Variants in CNTNAP2 observed in about 807,000 individuals in gnomAD.
The protein encoded by CNTNAP2 is contactin associated protein 2.
Under a neutral mutation model 155.2 loss-of-function variants are expected in CNTNAP2, and 98 were observed. That is an observed-to-expected ratio of 0.63 (90% confidence interval 0.54 to 0.75). The LOEUF (loss-of-function observed/expected upper bound fraction) is 0.75. Ranked by LOEUF, CNTNAP2 falls within the 30% of genes least tolerant of loss-of-function variation. CNTNAP2 has a pLI of 0.00. For missense variants in CNTNAP2, 1,727 were observed against 1,688.1 expected (o/e 1.02, Z -0.40); for synonymous variants, 651 against 631.2 (o/e 1.03, Z -0.47).
At chr7:147,604,348 A>T (rs1251767807) in intron 12 of CNTNAP2, among the ~76,000 whole-genome samples, 1 of 152,140 alleles carries the variant, frequency 6.6e-6, no homozygotes, top group African/African-American at 2.4e-5. Flanking sequence ...AATATCCAGA[A>T]TCTACAAAGA....
intron 1 of CNTNAP2, among the ~76,000 whole-genome samples, chr7:146,170,062 G>A (rs953965687): frequency 2.8e-5 from 4 of 143,988 alleles, no homozygotes; most frequent in Non-Finnish European, 3.0e-5. Context: ...ACTCTGTTGC[G>A]CAGGCTGAGG....
intron 13 of CNTNAP2, among the ~76,000 whole-genome samples, chr7:147,701,805 T>C (rs566764518): frequency 6.6e-5 from 10 of 152,296 alleles, no homozygotes; most frequent in African/African-American, 2.2e-4. Flanking sequence ...AGGCCGAACT[T>C]CCCTTAAACC....
intron 13 of CNTNAP2, among the ~76,000 whole-genome samples, chr7:147,860,125 A>T (rs1799110756): frequency 6.6e-6 from 1 of 151,894 alleles, no homozygotes; most frequent in Non-Finnish European, 1.5e-5. Context: ...AAAATCTAAT[A>T]CTTTGAAGGG....
chr7:146,160,571 C>T (rs1226004740), intron 1 of CNTNAP2, among the ~76,000 whole-genome samples: 3 of 152,180 alleles, frequency 2.0e-5, no homozygotes, highest in Non-Finnish European at 4.4e-5. Flanking sequence ...ATACTACAAA[C>T]ATCTCCACGC....
At chr7:146,761,481 T>C (rs1463752489) in intron 1 of CNTNAP2, among the ~76,000 whole-genome samples, 2 of 152,130 alleles carry the variant, frequency 1.3e-5, no homozygotes, top group Non-Finnish European at 2.9e-5. Context: ...AAGAGCACTT[T>C]AGGCAGCGAG....
chr7:148,416,886 C>T lies in CNTNAP2; in HGVS notation c.*1270C>T, dbSNP rs1800006693. On this transcript the variant is annotated 3_prime_UTR_variant, in exon 24 of 24. Transcript: ENST00000361727. Reference sequence around the variant, plus strand: ...GATGGAGAAGTGTAGTTAATCACACCTCTTAGTTTAATCTGAAATCTTGAC... The same window carrying T: ...GATGGAGAAGTGTAGTTAATCACACTTCTTAGTTTAATCTGAAATCTTGAC... 1 of 151,416 alleles carries T rather than the reference C, an allele frequency of 6.6e-6. No individual in the cohort carries two copies. The highest frequency in any genetic ancestry group is 1.5e-5 in the Non-Finnish European group (1 of 68,028). The allele number at this position is 151,416 out of a possible 1,614,324, so 9.4% of individuals were successfully genotyped here.
intron 13 of CNTNAP2, among the ~76,000 whole-genome samples, chr7:147,691,759 A>C (rs1796090362): frequency 6.6e-6 from 1 of 152,134 alleles, no homozygotes; most frequent in Admixed American, 6.6e-5. Context: ...GAAAATATGG[A>C]GTTTCCATAT....
chr7:148,022,170 G>A (rs1177344120), intron 15 of CNTNAP2, among the ~76,000 whole-genome samples: 4 of 141,802 alleles, frequency 2.8e-5, no homozygotes, highest in Admixed American at 2.8e-4. Context: ...GCTTTTTGAT[G>A]ACAAAAAGAG....
chr7:147,194,867 G>C (rs1432733938), intron 8 of CNTNAP2, among the ~76,000 whole-genome samples: 1 of 152,090 alleles, frequency 6.6e-6, no homozygotes, highest in African/African-American at 2.4e-5. Flanking sequence ...CCGTTCTGTA[G>C]GTTGCCTGTT....
intron 10 of CNTNAP2, among the ~76,000 whole-genome samples, chr7:147,453,196 T>C (rs1275791285): frequency 6.6e-6 from 1 of 152,156 alleles, no homozygotes; most frequent in African/African-American, 2.4e-5. Flanking sequence ...GCAGGTCTCA[T>C]AGCTGCCTAT....
chr7:147,230,376 G>A (rs539301373), intron 8 of CNTNAP2, among the ~76,000 whole-genome samples: 46 of 152,166 alleles, frequency 3.0e-4, no homozygotes, highest in African/African-American at 8.9e-4. Context: ...TCCTGCCTCA[G>A]CCTCCTGAGT....
At chr7:146,434,303 CA>C (rs1796211682) in intron 1 of CNTNAP2, among the ~76,000 whole-genome samples, 1 of 152,116 alleles carries the variant, frequency 6.6e-6, no homozygotes, top group Non-Finnish European at 1.5e-5. Flanking sequence ...TTCTAAGAGG[CA>C]ATCTTATTAG....
rs536461175 is a variant in CNTNAP2, at chr7:148,104,537, T to A, written c.2384-13581T>A. Among the ~76,000 whole-genome samples the A allele has an allele frequency of 4.6e-5, 7 of 152,320 alleles. No individual in the cohort carries two copies. In the South Asian group the frequency reaches 1.4e-3, roughly 32 times the overall value. On this transcript the variant is annotated intron_variant, in intron 15 of 23. Coordinates refer to ENST00000361727, the MANE Select transcript of CNTNAP2 (RefSeq NM_014141.6). ...TGGAGTGTAGCTAAATGCAGCTCAG[T>A]CTTTTTACAGCTCAGCTATGACCAT...
intron 10 of CNTNAP2, among the ~76,000 whole-genome samples, chr7:147,431,850 T>G (rs1434252662): frequency 2.0e-5 from 3 of 152,214 alleles, no homozygotes; most frequent in Non-Finnish European, 4.4e-5. Context: ...AGTTGGCAAT[T>G]AGAAGTTCCT....
intron 5 of CNTNAP2, among the ~76,000 whole-genome samples, chr7:147,108,776 G>A (rs1800818686): frequency 1.3e-5 from 2 of 152,192 alleles, no homozygotes; most frequent in African/African-American, 4.8e-5. Context: ...AAAGGCAACA[G>A]GGCTAATATT....
At chr7:147,061,203 A>T (rs1799663453) in intron 4 of CNTNAP2, among the ~76,000 whole-genome samples, 1 of 152,160 alleles carries the variant, frequency 6.6e-6, no homozygotes, top group Non-Finnish European at 1.5e-5. Context: ...GCTACACACC[A>T]TTGTACTTAC....
intron 2 of CNTNAP2, among the ~76,000 whole-genome samples, chr7:146,828,489 G>A (rs1417100219): frequency 6.6e-6 from 1 of 152,004 alleles, no homozygotes; most frequent in African/African-American, 2.4e-5. Context: ...AATATCTCCA[G>A]TAGTGAAGAG....
intron 1 of CNTNAP2, among the ~76,000 whole-genome samples, chr7:146,669,357 G>GA (rs767568101): frequency 6.6e-6 from 1 of 152,088 alleles, no homozygotes; most frequent in Non-Finnish European, 1.5e-5. Flanking sequence ...TTTAATTTCA[G>GA]ACTTCTTTAC....
chr7:147,154,580 C>T (rs1801887510), intron 8 of CNTNAP2, among the ~76,000 whole-genome samples: 1 of 152,060 alleles, frequency 6.6e-6, no homozygotes, highest in African/African-American at 2.4e-5. Flanking sequence ...GCACTCTAGT[C>T]TCTAAAAAAT....
Sources: allele counts gnomAD v4.1 joint callset (sites outside exome capture counted in the v4.1 genomes callset), GRCh38; gene constraint gnomAD v4.1.1; transcripts MANE v1.5; gene names NCBI Gene and HGNC (gene_info 2026-07-23, HGNC 2026-07-21).